The following SCFD2 variants were observed in gnomAD, a reference collection of about 807,000 sequenced individuals.
SCFD2 encodes the protein sec1 family domain containing 2.
SCFD2 carries 54 observed loss-of-function variants against 58.9 expected under a neutral mutation model. That is an observed-to-expected ratio of 0.92 (90% CI 0.74 to 1.15). The LOEUF (loss-of-function observed/expected upper bound fraction) is 1.15. Ranked by LOEUF, SCFD2 falls within the 50% of genes most tolerant of loss-of-function variation. The pLI is 0.00. For synonymous variants in SCFD2, 321 were observed against 335.9 expected (o/e 0.96, Z 0.49); for missense variants, 805 against 836.6 (o/e 0.96, Z 0.47).
At chr4:52,962,283 C>A (rs1720869533) in intron 5 of SCFD2, among the ~76,000 whole-genome samples, 1 of 152,178 alleles carries the variant, frequency 6.6e-6, no homozygotes, top group Non-Finnish European at 1.5e-5. Flanking sequence ...TTCTAAGCAG[C>A]TTCAGAGGGT....
chr4:53,175,837 G>A (rs1342695546), intron 4 of SCFD2, among the ~76,000 whole-genome samples: 2 of 152,152 alleles, frequency 1.3e-5, no homozygotes, highest in East Asian at 3.9e-4. Context: ...GGATTCCAAA[G>A]GTCCCTGGTT....
At chr4:53,027,253 A>G (rs1577669259) in intron 5 of SCFD2, among the ~76,000 whole-genome samples, 1 of 143,956 alleles carries the variant, frequency 6.9e-6, no homozygotes, top group African/African-American at 2.6e-5. Flanking sequence ...AGCCCCACAC[A>G]CTTCTTTTTT....
intron 4 of SCFD2, among the ~76,000 whole-genome samples, chr4:53,163,609 T>G (rs929656052): frequency 1.3e-5 from 2 of 152,142 alleles, no homozygotes; most frequent in African/African-American, 4.8e-5. Context: ...GGCAGACACC[T>G]GTAATCGCAG....
chr4:53,352,562 A>G (rs1449867826), intron 2 of SCFD2, 36 bp downstream of exon 2: 2 of 1,535,574 alleles, frequency 1.3e-6, no homozygotes, highest in East Asian at 4.5e-5. Flanking sequence ...AGGGGAAGAC[A>G]GAGAAAGATA....
chr4:52,979,803 C>A (rs977704543), intron 5 of SCFD2, among the ~76,000 whole-genome samples: 11 of 152,116 alleles, frequency 7.2e-5, no homozygotes, highest in African/African-American at 2.7e-4. Context: ...GATTCCCCAC[C>A]CCTCTTATTT....
At chr4:53,078,714 A>T (rs112362257) in intron 5 of SCFD2, among the ~76,000 whole-genome samples, 2,210 of 152,312 alleles carry the variant, frequency 0.015, 20 homozygotes, top group Middle Eastern at 0.034. Flanking sequence ...TCACACAGCT[A>T]GTAAACCACA....
chr4:53,067,798 G>C (rs1723705970), intron 5 of SCFD2, among the ~76,000 whole-genome samples: 1 of 152,032 alleles, frequency 6.6e-6, no homozygotes. Context: ...GACTAATACA[G>C]TGTTGAACAC....
chr4:53,016,323 T>G (rs1019958121), intron 5 of SCFD2, among the ~76,000 whole-genome samples: 5 of 152,218 alleles, frequency 3.3e-5, no homozygotes, highest in Admixed American at 6.5e-5. Flanking sequence ...ATCTCATGTT[T>G]GTAATATTAC....
chr4:53,051,616 C>T (rs747958943), intron 5 of SCFD2, among the ~76,000 whole-genome samples: 5 of 152,102 alleles, frequency 3.3e-5, no homozygotes, highest in Non-Finnish European at 7.4e-5. Flanking sequence ...ATTTTTATTA[C>T]GGTGGCTAGA....
chr4:53,337,682 G>A (rs369075177), intron 2 of SCFD2, among the ~76,000 whole-genome samples: 10 of 152,192 alleles, frequency 6.6e-5, no homozygotes, highest in African/African-American at 2.4e-4. Context: ...CCATCAACAG[G>A]AAAATGGTAA....
At chr4:53,208,063 C>T (rs1320918734) in intron 4 of SCFD2, among the ~76,000 whole-genome samples, 1 of 151,672 alleles carries the variant, frequency 6.6e-6, no homozygotes, top group Non-Finnish European at 1.5e-5. Context: ...CTCAAGCCAT[C>T]CTCCCACCTC....
chr4:53,146,243 A>G (rs1471747776), intron 4 of SCFD2, among the ~76,000 whole-genome samples: 1 of 152,190 alleles, frequency 6.6e-6, no homozygotes, highest in African/African-American at 2.4e-5. Flanking sequence ...TTAGCAGAGG[A>G]TTTCAAAATT....
intron 2 of SCFD2, among the ~76,000 whole-genome samples, chr4:53,329,001 C>T (rs375720429): frequency 2.0e-5 from 3 of 152,220 alleles, no homozygotes; most frequent in African/African-American, 4.8e-5. Context: ...CCTGGAAAAT[C>T]GGGTCACTCC....
chr4:53,170,124 T>C (rs1268911853), intron 4 of SCFD2, among the ~76,000 whole-genome samples: 2 of 152,230 alleles, frequency 1.3e-5, no homozygotes, highest in Admixed American at 6.5e-5. Flanking sequence ...GTGTGGTTTT[T>C]CTTGCATGTT....
chr4:52,902,437 T>A (rs563585490), intron 7 of SCFD2, among the ~76,000 whole-genome samples: 1 of 152,312 alleles, frequency 6.6e-6, no homozygotes, highest in Admixed American at 6.5e-5. Context: ...TAGTGAAATA[T>A]GAAATGTTTG....
intron 2 of SCFD2, among the ~76,000 whole-genome samples, chr4:53,339,987 G>A (rs1456923767): frequency 1.3e-5 from 2 of 152,066 alleles, no homozygotes; most frequent in Non-Finnish European, 2.9e-5. Context: ...GGCAGAATTG[G>A]TTCCAAGATG....
intron 7 of SCFD2, 123 bp downstream of exon 7, chr4:52,907,334 A>G: frequency 1.1e-6 from 1 of 948,484 alleles, no homozygotes; most frequent in Non-Finnish European, 1.6e-6. Flanking sequence ...TTGATTTTAG[A>G]AGAGCCAAAA....
chr4:53,068,893 G>T (rs1019414104), intron 5 of SCFD2, among the ~76,000 whole-genome samples: 4 of 152,008 alleles, frequency 2.6e-5, no homozygotes, highest in Non-Finnish European at 4.4e-5. Flanking sequence ...AACTTTAGAC[G>T]GATGTGCACA....
rs544021095 is a variant in SCFD2 at position 52,882,495 on chromosome 4, A to G, written c.1962+3252T>C. ...GGTATGTCTGTGAAGGTGTTGCCAAAGGAGATTAACATTTGAGTCAGTGGA... is the reference window on the plus strand; with the variant it reads ...GGTATGTCTGTGAAGGTGTTGCCAAGGGAGATTAACATTTGAGTCAGTGGA... On this transcript the variant is annotated intron_variant, in intron 8 of 8. Coordinates refer to ENST00000401642, the MANE Select transcript of SCFD2 (RefSeq NM_152540.4). 2.4e-4 allele frequency among the ~76,000 whole-genome samples: 37 copies of G among 152,310 alleles called. No homozygotes were observed. The South Asian group carries it at 2.7e-3, about 11-fold the overall frequency.
Sources: allele counts gnomAD v4.1 joint callset (sites outside exome capture counted in the v4.1 genomes callset), GRCh38; gene constraint gnomAD v4.1.1; transcripts MANE v1.5; gene names NCBI Gene and HGNC (gene_info 2026-07-23, HGNC 2026-07-21).